TMEM167A: variants seen among roughly 807,000 people sequenced by gnomAD.
The protein encoded by TMEM167A is protein kish-A.
Under a neutral mutation model 11.6 loss-of-function variants are expected in TMEM167A, and 8 were observed. That is an observed-to-expected ratio of 0.69 (90% confidence interval 0.40 to 1.24). The LOEUF (loss-of-function observed/expected upper bound fraction) is 1.24, where lower values mean the gene tolerates loss of function less well. Among genes scored for constraint, TMEM167A ranks in the 50% most tolerant of loss-of-function variants. The pLI is 0.01. For synonymous variants in TMEM167A, 22 were observed against 28.0 expected (o/e 0.79, Z 0.67); for missense variants, 62 against 87.0 (o/e 0.71, Z 1.14).
At chr5:83,058,474 A>G (rs1744363361) in intron 3 of TMEM167A, among the ~76,000 whole-genome samples, 1 of 152,092 alleles carries the variant, frequency 6.6e-6, no homozygotes, top group Non-Finnish European at 1.5e-5. Flanking sequence ...TTAAAATTAA[A>G]AAAAATCTTG....
chr5:83,073,811 C>T (rs1241613724), intron 1 of TMEM167A, among the ~76,000 whole-genome samples: 2 of 152,226 alleles, frequency 1.3e-5, no homozygotes, highest in Non-Finnish European at 2.9e-5. Flanking sequence ...TCTTTCCCAT[C>T]CAATAAATCA....
At chr5:83,073,597 T>C (rs1457756167) in intron 1 of TMEM167A, among the ~76,000 whole-genome samples, 2 of 152,222 alleles carry the variant, frequency 1.3e-5, no homozygotes, top group African/African-American at 2.4e-5. Context: ...GCCTGGAGTA[T>C]AGGACATCAT....
intron 1 of TMEM167A, among the ~76,000 whole-genome samples, chr5:83,074,273 G>A (rs1418744448): frequency 6.6e-6 from 1 of 151,980 alleles, no homozygotes; most frequent in Non-Finnish European, 1.5e-5. Context: ...CTTTATCTAC[G>A]GGATAGAGAT....
chr5:83,060,909 A>G (rs942900272), intron 3 of TMEM167A, among the ~76,000 whole-genome samples: 1 of 152,106 alleles, frequency 6.6e-6, no homozygotes, highest in Non-Finnish European at 1.5e-5. Flanking sequence ...AGAGTCTACT[A>G]TGTGCTGGGT....
chr5:83,075,638 G>C (rs773110324), intron 1 of TMEM167A, among the ~76,000 whole-genome samples: 7 of 151,888 alleles, frequency 4.6e-5, no homozygotes, highest in Non-Finnish European at 7.4e-5. Context: ...CCAGCTACTC[G>C]GGAGGCTGAG....
intron 2 of TMEM167A, among the ~76,000 whole-genome samples, chr5:83,063,001 T>C (rs1359955841): frequency 6.6e-6 from 1 of 152,040 alleles, no homozygotes; most frequent in Non-Finnish European, 1.5e-5. Context: ...AAAGGTCTCT[T>C]AGCCTATCAA....
chr5:83,064,389 A>C (rs1019082735), intron 2 of TMEM167A: 4 of 511,184 alleles, frequency 7.8e-6, no homozygotes, highest in Non-Finnish European at 1.2e-5. Context: ...AAAGTATTCT[A>C]CTACTATGTA....
At position 83,076,495 on chromosome 5, in the gene TMEM167A, C is replaced by T. The variant is rs1015286763; in HGVS notation, c.3+826G>A. Among the ~76,000 whole-genome samples the T allele has an allele frequency of 7.2e-5, 11 of 152,242 alleles. No homozygotes were observed. The South Asian group carries it at 2.3e-3, about 31-fold the overall frequency. ...AGAGTGGCAGTCTTCCTAGTCTCAA[C>T]TGCCATCTTCCCACCAGGTGGTAAA... On this transcript the variant is annotated intron_variant, in intron 1 of 3. Coordinates refer to ENST00000502346, the MANE Select transcript of TMEM167A (RefSeq NM_174909.5).
chr5:83,068,906 T>C (rs1744521673), intron 1 of TMEM167A, among the ~76,000 whole-genome samples: 1 of 152,158 alleles, frequency 6.6e-6, no homozygotes, highest in Admixed American at 6.5e-5. Context: ...ATCCAGTGCA[T>C]GTGTGGTGGG....
intron 1 of TMEM167A, among the ~76,000 whole-genome samples, chr5:83,071,193 G>C (rs1362971277): frequency 6.6e-6 from 1 of 152,056 alleles, no homozygotes; most frequent in Non-Finnish European, 1.5e-5. Flanking sequence ...TGATTAAGGG[G>C]CTTATTTATA....
rs542541973 is a variant in TMEM167A at position 83,055,374 on chromosome 5, T to C, written c.*1710A>G. The C allele has an allele frequency of 5.9e-5, 9 of 151,982 alleles. No individual in the cohort carries two copies. Among genetic ancestry groups the C allele is most frequent in the African/African-American group, 1.7e-4 (7 of 41,492 alleles). 9.4% of individuals were successfully genotyped at this position (151,982 alleles called of 1,614,324 possible). A position where few individuals can be genotyped will look rare whatever the true frequency, so the allele number is the denominator to read the frequency against. On this transcript the variant is annotated 3_prime_UTR_variant, in exon 4 of 4. Transcript: ENST00000502346. ...GGACAACAGATGGCCACCCAGAAAT[T>C]AGAGCCAGAAAGGTGACTTACTCAG...
At chr5:83,074,166 A>G (rs1337161941) in intron 1 of TMEM167A, among the ~76,000 whole-genome samples, 2 of 152,184 alleles carry the variant, frequency 1.3e-5, no homozygotes, top group Admixed American at 1.3e-4. Context: ...CTCATCTATC[A>G]CCAGTCCACT....
Position 83,054,222 on chromosome 5 carries a change from G to A in TMEM167A, c.*2862C>T, listed in dbSNP as rs570888110. 1.3e-5 allele frequency: 2 copies of A among 151,978 alleles called. No individual in the cohort carries two copies. Among genetic ancestry groups the A allele is most frequent in the Non-Finnish European group, 2.9e-5 (2 of 67,926 alleles). 9.4% of individuals were successfully genotyped at this position (151,978 alleles called of 1,614,324 possible). Reference sequence around the variant, plus strand: ...AACATATAAAAGCATTCAAGATAGTGTCTGGCACAGTAGAACAGGGATTAA... The same window carrying A: ...AACATATAAAAGCATTCAAGATAGTATCTGGCACAGTAGAACAGGGATTAA... On this transcript the variant is annotated 3_prime_UTR_variant, in exon 4 of 4. Transcript: ENST00000502346.
At chr5:83,074,235 T>C (rs1032214142) in intron 1 of TMEM167A, among the ~76,000 whole-genome samples, 4 of 152,234 alleles carry the variant, frequency 2.6e-5, no homozygotes, top group South Asian at 2.1e-4. Flanking sequence ...TTGAACTTCA[T>C]GCCTTTTGTT....
intron 1 of TMEM167A, among the ~76,000 whole-genome samples, chr5:83,071,665 C>A (rs968983345): frequency 2.0e-5 from 3 of 152,148 alleles, no homozygotes; most frequent in African/African-American, 7.2e-5. Flanking sequence ...TCAACATTTT[C>A]TTTTGGCATT....
At chr5:83,057,459 A>G (rs1744348468) in intron 3 of TMEM167A, among the ~76,000 whole-genome samples, 2 of 152,096 alleles carry the variant, frequency 1.3e-5, no homozygotes, top group South Asian at 4.1e-4. Context: ...AGAATGTAGG[A>G]CAGAGATCCA....
At chr5:83,063,827 A>T (rs1744441009) in intron 2 of TMEM167A, among the ~76,000 whole-genome samples, 1 of 152,132 alleles carries the variant, frequency 6.6e-6, no homozygotes, top group Non-Finnish European at 1.5e-5. Flanking sequence ...TGAAACCAGG[A>T]TAAAGACCAT....
intron 1 of TMEM167A, among the ~76,000 whole-genome samples, chr5:83,067,209 G>A (rs1744495697): frequency 6.7e-6 from 1 of 150,332 alleles, no homozygotes. Flanking sequence ...AAGTTCATAT[G>A]GAAAAAATAA....
At position 83,056,409 on chromosome 5, in the gene TMEM167A, A is replaced by C. The variant is rs943937880; in HGVS notation, c.*675T>G. On this transcript the variant is annotated 3_prime_UTR_variant, in exon 4 of 4. Coordinates refer to ENST00000502346, the MANE Select transcript of TMEM167A (RefSeq NM_174909.5). ...GCACAAAATACATATACTTGACAAG[A>C]TGTTTCAGAGCCTACTATGTCATTT... The C allele has an allele frequency of 6.6e-6, 1 of 152,034 alleles. No individual in the cohort carries two copies. The highest frequency in any genetic ancestry group is 2.4e-5 in the African/African-American group (1 of 41,410). The allele number at this position is 152,034 out of a possible 1,614,324, so 9.4% of individuals were successfully genotyped here.
Sources: allele counts gnomAD v4.1 joint callset (sites outside exome capture counted in the v4.1 genomes callset), GRCh38; gene constraint gnomAD v4.1.1; transcripts MANE v1.5; gene names NCBI Gene and HGNC (gene_info 2026-07-23, HGNC 2026-07-21).